Variants in ARHGAP26 observed in about 807,000 individuals in gnomAD.
ARHGAP26 encodes rho GTPase-activating protein 26.
A neutral mutation model predicts 104.8 loss-of-function variants in ARHGAP26; 38 were observed. The ratio of observed to expected loss-of-function variants is 0.36; its 90% CI spans 0.28 to 0.48. The LOEUF is 0.48. Among genes scored for constraint, ARHGAP26 ranks in the 20% least tolerant of loss-of-function variants. ARHGAP26 has a pLI of 0.99. For missense variants in ARHGAP26, 704 were observed against 947.9 expected (o/e 0.74, Z 3.38); for synonymous variants, 341 against 340.0 (o/e 1.00, Z -0.03).
intron 11 of ARHGAP26, among the ~76,000 whole-genome samples, chr5:142,982,781 T>G (rs1328694778): frequency 6.6e-6 from 1 of 152,154 alleles, no homozygotes; most frequent in Non-Finnish European, 1.5e-5. Context: ...TTGAACCTGT[T>G]TTTTCTGGAG....
intron 20 of ARHGAP26, among the ~76,000 whole-genome samples, chr5:143,153,838 G>A (rs1800138728): frequency 1.3e-5 from 2 of 152,300 alleles, no homozygotes; most frequent in East Asian, 1.9e-4. Context: ...AAAGACGCAC[G>A]CATGCCAAAC....
chr5:142,949,180 A>AGAGAGAGAGAGAGAGAG (rs1554167202), intron 11 of ARHGAP26, among the ~76,000 whole-genome samples: 1,466 of 7,470 alleles, frequency 0.2, 198 homozygotes, highest in Non-Finnish European at 0.25. Flanking sequence ...AGAGAGAGAG[A>AGAGAGAGAGAGAGAGAG]GAGAGAGAGA....
intron 9 of ARHGAP26, 101 bp from the exon 10 acceptor site, chr5:142,913,098 A>C: frequency 9.8e-7 from 1 of 1,022,044 alleles, no homozygotes; most frequent in Middle Eastern, 2.1e-4. Flanking sequence ...CTCAGATTTG[A>C]GAAGATGAAA....
At chr5:142,925,467 A>C (rs1230272074) in intron 10 of ARHGAP26, among the ~76,000 whole-genome samples, 1 of 152,220 alleles carries the variant, frequency 6.6e-6, no homozygotes, top group Non-Finnish European at 1.5e-5. Context: ...TCATAAACAG[A>C]CATGGAAAAG....
At chr5:143,053,453 C>G (rs1785322442) in intron 14 of ARHGAP26, among the ~76,000 whole-genome samples, 1 of 152,076 alleles carries the variant, frequency 6.6e-6, no homozygotes, top group African/African-American at 2.4e-5. Flanking sequence ...ACTCTGTGAC[C>G]CTCCCACCAG....
intron 6 of ARHGAP26, 111 bp from the exon 7 acceptor site, chr5:142,901,824 T>C: frequency 1.2e-6 from 1 of 812,730 alleles, no homozygotes; most frequent in Non-Finnish European, 2.0e-6. Flanking sequence ...TGTCAGCCAT[T>C]ATTATTCTTT....
At chr5:142,886,734 T>C (rs1043881802) in intron 5 of ARHGAP26, among the ~76,000 whole-genome samples, 4 of 151,728 alleles carry the variant, frequency 2.6e-5, no homozygotes, top group Non-Finnish European at 5.9e-5. Context: ...AAAAAAAAAA[T>C]CTTATTTTCA....
intron 11 of ARHGAP26, among the ~76,000 whole-genome samples, chr5:142,945,095 CTTG>C (rs1306390827): frequency 4.6e-5 from 7 of 152,166 alleles, no homozygotes; most frequent in East Asian, 3.8e-4. Flanking sequence ...CAGCCAGTAA[CTTG>C]TTGTATTTCC....
intron 5 of ARHGAP26, 57 bp downstream of exon 5, chr5:142,885,456 GAT>G (rs1253791439): frequency 6.8e-7 from 1 of 1,464,572 alleles, no homozygotes; most frequent in Non-Finnish European, 9.5e-7. Context: ...TGATGCTGTG[GAT>G]ATGTGCTGGT....
chr5:142,911,113 T>C (rs1272179821), intron 9 of ARHGAP26, among the ~76,000 whole-genome samples: 3 of 152,190 alleles, frequency 2.0e-5, no homozygotes, highest in Non-Finnish European at 4.4e-5. Context: ...GACCAGACCC[T>C]GTGTGTGACG....
intron 17 of ARHGAP26, among the ~76,000 whole-genome samples, chr5:143,096,537 G>C (rs980444621): frequency 6.6e-6 from 1 of 152,178 alleles, no homozygotes; most frequent in Admixed American, 6.5e-5. Context: ...CAACTCAGTC[G>C]CACAACTGCT....
chr5:143,012,548 C>CATATAT (rs1414408846), intron 11 of ARHGAP26, among the ~76,000 whole-genome samples: 470 of 23,320 alleles, frequency 0.02, 49 homozygotes, highest in African/African-American at 0.05. Context: ...TATATACATA[C>CATATAT]ATACATATAT....
intron 17 of ARHGAP26, among the ~76,000 whole-genome samples, chr5:143,079,287 T>C (rs1789476273): frequency 6.6e-6 from 1 of 152,232 alleles, no homozygotes; most frequent in Non-Finnish European, 1.5e-5. Flanking sequence ...AGACATCTAC[T>C]GTGAAGTAAG....
At chr5:143,167,482 C>CAAAAAAAAAAAAAAAAA (rs6149274) in intron 20 of ARHGAP26, among the ~76,000 whole-genome samples, 13 of 60,088 alleles carry the variant, frequency 2.2e-4, no homozygotes, top group African/African-American at 1.1e-3. Flanking sequence ...GACTCCATCT[C>CAAAAAAAAAAAAAAAAA]AAAAAAAAAA....
Position 143,227,032 on chromosome 5 carries a change from G to C in ARHGAP26, c.*4586G>C, listed in dbSNP as rs1811730574. On this transcript the variant is annotated 3_prime_UTR_variant, in exon 23 of 23. Transcript: ENST00000645722. Reference sequence around the variant, plus strand: ...GCTCCAAAAGCATTCACAGTTGAGGGGGAGAAAGACAGAAAGAAGAAGCCA... The same window carrying C: ...GCTCCAAAAGCATTCACAGTTGAGGCGGAGAAAGACAGAAAGAAGAAGCCA... 4.4e-6 allele frequency: 1 copy of C among 229,754 alleles called. No individual in the cohort carries two copies. The highest frequency in any genetic ancestry group is 8.6e-6 in the Non-Finnish European group (1 of 115,870). The allele number at this position is 229,754 out of a possible 1,614,324, so 14.2% of individuals were successfully genotyped here.
chr5:142,932,591 G>A (rs866799963), intron 11 of ARHGAP26, among the ~76,000 whole-genome samples: 8 of 152,184 alleles, frequency 5.3e-5, no homozygotes, highest in South Asian at 2.1e-4. Flanking sequence ...CACTGTAGTC[G>A]TCTTATCTTA....
chr5:143,101,355 CTT>C (rs1195007438), intron 17 of ARHGAP26, among the ~76,000 whole-genome samples: 1 of 152,192 alleles, frequency 6.6e-6, no homozygotes, highest in Non-Finnish European at 1.5e-5. Context: ...CAACAGGTCT[CTT>C]GATGTAGGGT....
rs561605232 is a variant in ARHGAP26 at position 142,955,126 on chromosome 5, C to CACACACACACACACA, written c.1107+23001_1107+23002insACACACACACACACA. On this transcript the variant is annotated intron_variant, in intron 11 of 22. Coordinates refer to ENST00000645722, the MANE Select transcript of ARHGAP26 (RefSeq NM_001135608.3). ...CACACACACACACACACACACACAC[C>CACACACACACACACA]CCCCATCTCTGCACACACACACATA... Among the ~76,000 whole-genome samples, 198 of 148,738 alleles carry CACACACACACACACA rather than the reference C, an allele frequency of 1.3e-3. 2 individuals carry two copies. The East Asian group carries it at 0.014, about 10-fold the overall frequency.
At chr5:143,083,574 A>G (rs192355293) in intron 17 of ARHGAP26, among the ~76,000 whole-genome samples, 48 of 152,244 alleles carry the variant, frequency 3.2e-4, no homozygotes, top group Admixed American at 2.8e-3. Flanking sequence ...TCTTGGCTCA[A>G]TGCAATCTCC....
Sources: allele counts gnomAD v4.1 joint callset (sites outside exome capture counted in the v4.1 genomes callset), GRCh38; gene constraint gnomAD v4.1.1; transcripts MANE v1.5; gene names NCBI Gene and HGNC (gene_info 2026-07-23, HGNC 2026-07-21).